The following NDRG1 variants were observed in gnomAD, a reference collection of about 807,000 sequenced individuals.
NDRG1 encodes the protein N-myc downstream regulated 1, also known as protein NDRG1.
In NDRG1, 32 loss-of-function variants were observed where a neutral mutation model predicts 56.9. The observed-to-expected ratio is 0.56, with a 90% CI of 0.42 to 0.76. The LOEUF (loss-of-function observed/expected upper bound fraction) is 0.76, where lower values mean the gene tolerates loss of function less well. Ranked by LOEUF, NDRG1 falls within the 30% of genes least tolerant of loss-of-function variation. The probability of loss-of-function intolerance (pLI) is 0.00; values close to 1 mark genes in which losing one functional copy is unlikely to be tolerated. For missense variants in NDRG1, 507 were observed against 545.7 expected (o/e 0.93, Z 0.71); for synonymous variants, 211 against 204.1 (o/e 1.03, Z -0.29).
intron 12 of NDRG1, among the ~76,000 whole-genome samples, chr8:133,247,615 T>G (rs1053630837): frequency 1.3e-5 from 2 of 152,126 alleles, no homozygotes; most frequent in South Asian, 2.1e-4. Flanking sequence ...CATGCCCATA[T>G]AAACAAGCCG....
chr8:133,255,490 A>G, intron 8 of NDRG1: 1 of 417,772 alleles, frequency 2.4e-6, no homozygotes, highest in Non-Finnish European at 4.9e-6. Context: ...CAGGCTTCAC[A>G]TTAGCCAGTG....
At chr8:133,245,412 C>G (rs565569097) in intron 13 of NDRG1, among the ~76,000 whole-genome samples, 3 of 152,248 alleles carry the variant, frequency 2.0e-5, no homozygotes, top group Admixed American at 1.3e-4. Context: ...CAGGTAAAAT[C>G]AAGTTAAGAT....
In NDRG1 at chr8:133,238,975, C is replaced by G; in HGVS notation, c.1088G>C (p.Arg363Pro). The G allele has an allele frequency of 6.3e-7, 1 of 1,589,806 alleles. No homozygotes were observed. The highest frequency in any genetic ancestry group is 8.5e-7 in the Non-Finnish European group (1 of 1,169,840). The change falls in exon 16 of 16, where the codon CGC (arginine) becomes CCC (proline). Residue 363 changes from arginine to proline, a missense_variant. Physicochemically the swap from Arg to Pro is moderately radical, Grantham distance 103. Transcript: ENST00000323851. ...RSHTSEGTRSRSHTSEGAHLD... is the reference protein window; with the variant it reads ...RSHTSEGTRSPSHTSEGAHLD... ...GTGGGCCCCCTCGCTGGTGTGCGAGCGGCTGCGGGTGCCCTCGCTGGTGTG... is the reference window on the plus strand; with the variant it reads ...GTGGGCCCCCTCGCTGGTGTGCGAGGGGCTGCGGGTGCCCTCGCTGGTGTG...
intron 10 of NDRG1, 57 bp from the exon 11 acceptor site, chr8:133,248,828 A>C (rs2130692993): frequency 6.3e-7 from 1 of 1,599,926 alleles, no homozygotes; most frequent in South Asian, 1.1e-5. Context: ...GAAATCTCCC[A>C]CTCCCATCCA....
rs572449718 is a variant in NDRG1 at position 133,281,991 on chromosome 8, T to C, written c.64-1724A>G. 3.3e-5 allele frequency among the ~76,000 whole-genome samples: 5 copies of C among 152,242 alleles called. No homozygotes were observed. In the South Asian group the frequency reaches 1.0e-3, roughly 32 times the overall value. On this transcript the variant is annotated intron_variant, in intron 2 of 15. Transcript: ENST00000323851. ...GACACAAGGAAGAACTTCCCAATAG[T>C]CAAGCCTAACTCTAAATACTTTGCT...
At chr8:133,262,657 C>A (rs1340309103) in intron 4 of NDRG1, among the ~76,000 whole-genome samples, 1 of 152,208 alleles carries the variant, frequency 6.6e-6, no homozygotes, top group Non-Finnish European at 1.5e-5. Context: ...CTGCTGAAGC[C>A]TAAGGAAGTC....
chr8:133,294,793 C>A (rs368851944), intron 1 of NDRG1, among the ~76,000 whole-genome samples: 4 of 152,206 alleles, frequency 2.6e-5, no homozygotes, highest in African/African-American at 7.2e-5. Context: ...TAAAAAAAAT[C>A]ATTCCGCTCT....
intron 13 of NDRG1, 172 bp from the exon 14 acceptor site, chr8:133,244,562 G>T: frequency 1.4e-6 from 1 of 733,068 alleles, no homozygotes; most frequent in Non-Finnish European, 2.4e-6. Flanking sequence ...GCCCCACCAG[G>T]CAAGGCTGCT....
chr8:133,250,144 C>T (rs911461417), intron 10 of NDRG1, among the ~76,000 whole-genome samples: 7 of 152,194 alleles, frequency 4.6e-5, no homozygotes, highest in East Asian at 3.9e-4. Flanking sequence ...AGGTCAGCAG[C>T]GGGCACACAT....
At chr8:133,277,607 C>G (rs1014066805) in intron 3 of NDRG1, among the ~76,000 whole-genome samples, 3 of 152,002 alleles carry the variant, frequency 2.0e-5, no homozygotes, top group Admixed American at 6.6e-5. Context: ...TGAAAATGGA[C>G]GATAGTGATG....
intron 8 of NDRG1, chr8:133,255,208 G>A (rs951739683): frequency 9.0e-6 from 4 of 446,518 alleles, no homozygotes; most frequent in African/African-American, 6.1e-5. Flanking sequence ...CTAGACCTAA[G>A]GGTCTTTGGC....
At chr8:133,254,504 C>T (rs578259617) in intron 9 of NDRG1, 35 bp downstream of exon 9, 1 of 1,612,704 alleles carries the variant, frequency 6.2e-7, no homozygotes, top group South Asian at 1.1e-5. Context: ...CCTTGCTCAG[C>T]AGGAACAACA....
At chr8:133,288,050 T>G (rs756655946) in intron 1 of NDRG1, among the ~76,000 whole-genome samples, 1 of 152,118 alleles carries the variant, frequency 6.6e-6, no homozygotes, top group Non-Finnish European at 1.5e-5. Context: ...TTCACACACT[T>G]ATACTCACAC....
intron 1 of NDRG1, among the ~76,000 whole-genome samples, chr8:133,292,077 G>A (rs369351974): frequency 6.6e-6 from 1 of 152,212 alleles, no homozygotes; most frequent in South Asian, 2.1e-4. Context: ...GACAGAAGAC[G>A]ACCGTCTGAG....
intron 1 of NDRG1, among the ~76,000 whole-genome samples, chr8:133,287,722 G>A (rs773820569): frequency 6.6e-6 from 1 of 152,186 alleles, no homozygotes; most frequent in Non-Finnish European, 1.5e-5. Flanking sequence ...CTGAGCACGG[G>A]AGGAGGCTCA....
In NDRG1 at chr8:133,284,305, G is replaced by T; in HGVS notation, c.7C>A (p.Arg3=). The part of the protein sequence containing the change: MS[R]EMQDVDLAEV... ...GCGAGGTCTACATCCTGCATCTCCC[G>T]AGACATGTCCCTGCTGTCACCTGCC... The change falls in exon 2 of 16, where the codon CGG becomes AGG. Residue 3 remains arginine (R), a synonymous_variant. Coordinates refer to ENST00000323851, the MANE Select transcript of NDRG1 (RefSeq NM_006096.4). The T allele has an allele frequency of 6.2e-7, 1 of 1,614,076 alleles. No individual in the cohort carries two copies. The highest frequency in any genetic ancestry group is 8.5e-7 in the Non-Finnish European group (1 of 1,180,028).
At chr8:133,287,129 AT>A (rs987314102) in intron 1 of NDRG1, among the ~76,000 whole-genome samples, 1 of 152,170 alleles carries the variant, frequency 6.6e-6, no homozygotes, top group Non-Finnish European at 1.5e-5. Flanking sequence ...AGGAGCTTTT[AT>A]CCAAAGGAAA....
chr8:133,292,331 C>T (rs1858475333), intron 1 of NDRG1, among the ~76,000 whole-genome samples: 1 of 152,164 alleles, frequency 6.6e-6, no homozygotes. Context: ...TTGCAGTTTC[C>T]ACCCTCCGGA....
chr8:133,294,391 G>C (rs7821403), intron 1 of NDRG1, among the ~76,000 whole-genome samples: 1 of 152,092 alleles, frequency 6.6e-6, no homozygotes, highest in Non-Finnish European at 1.5e-5. Context: ...GAGAGATGTC[G>C]TGTCCCTCCC....
Sources: gnomAD v4.1 joint callset for allele counts (sites outside exome capture counted in the v4.1 genomes callset) on GRCh38, gnomAD v4.1.1 for gene constraint, MANE v1.5 for transcripts, NCBI Gene and HGNC (gene_info 2026-07-23, HGNC 2026-07-21) for gene names.